The following CNTNAP4 variants were observed in gnomAD, a reference collection of about 807,000 sequenced individuals.
CNTNAP4 encodes contactin associated protein family member 4.
Under a neutral mutation model 148.4 loss-of-function variants are expected in CNTNAP4, and 98 were observed. That is an observed-to-expected ratio of 0.66 (90% CI 0.56 to 0.78). The LOEUF (loss-of-function observed/expected upper bound fraction) is 0.78, where lower values mean the gene tolerates loss of function less well. Ranked by LOEUF, CNTNAP4 falls within the 30% of genes least tolerant of loss-of-function variation. CNTNAP4 has a pLI of 0.00. For synonymous variants in CNTNAP4, 730 were observed against 565.1 expected (o/e 1.29, Z -4.14); for missense variants, 1,935 against 1,565.6 (o/e 1.24, Z -3.98).
intron 1 of CNTNAP4, among the ~76,000 whole-genome samples, chr16:76,294,643 C>T (rs1342288671): frequency 6.6e-6 from 1 of 152,162 alleles, no homozygotes; most frequent in Non-Finnish European, 1.5e-5. Flanking sequence ...ACTCACTCTT[C>T]TCTGGGTTGG....
chr16:76,325,560 A>G (rs531146922), intron 2 of CNTNAP4, among the ~76,000 whole-genome samples: 3 of 152,362 alleles, frequency 2.0e-5, no homozygotes, highest in Admixed American at 6.5e-5. Flanking sequence ...AGAAATCTCA[A>G]TGGAAATGAG....
intron 3 of CNTNAP4, among the ~76,000 whole-genome samples, chr16:76,420,005 A>G (rs1324445279): frequency 6.6e-6 from 1 of 152,000 alleles, no homozygotes; most frequent in African/African-American, 2.4e-5. Flanking sequence ...GGGCTTCAAC[A>G]TAGAATTTTG....
chr16:76,538,368 A>G lies in CNTNAP4; in HGVS notation c.3220+28A>G, dbSNP rs370869439. On this transcript the variant is annotated intron_variant, in intron 19 of 23. Transcript: ENST00000611870. ...GAGTTCTTTTTAGATGAGAGAGAGA[A>G]AATTAAATTAGAACACTAGCTCTGT... 5 of 1,488,464 alleles carry G rather than the reference A, an allele frequency of 3.4e-6. No individual in the cohort carries two copies. In the African/African-American group the frequency reaches 5.6e-5, roughly 17 times the overall value. The allele number at this position is 1,488,464 out of a possible 1,614,324, so 92.2% of individuals were successfully genotyped here.
intron 11 of CNTNAP4, among the ~76,000 whole-genome samples, chr16:76,476,547 A>C (rs1310227648): frequency 6.6e-6 from 1 of 152,230 alleles, no homozygotes; most frequent in African/African-American, 2.4e-5. Context: ...GCCATAGCCT[A>C]GGTGACTTAC....
rs1406674009 is a variant in CNTNAP4 at position 76,556,700 on chromosome 16, T to C, written c.3734-1790T>C. ...TTTCTAAAATGAGAAGCAAAATATG[T>C]AACAACAAATATTCTGATTAAAGTT... On this transcript the variant is annotated intron_variant, in intron 23 of 23. Coordinates refer to ENST00000611870, the MANE Select transcript of CNTNAP4 (RefSeq NM_033401.5). 2.0e-5 allele frequency among the ~76,000 whole-genome samples: 3 copies of C among 152,248 alleles called. No individual in the cohort carries two copies. The East Asian group carries it at 5.8e-4, about 29-fold the overall frequency.
intron 15 of CNTNAP4, among the ~76,000 whole-genome samples, chr16:76,505,651 A>G (rs1393743754): frequency 1.0e-5 from 1 of 97,990 alleles, no homozygotes; most frequent in Admixed American, 1.0e-4. Flanking sequence ...ATATTTTAAT[A>G]AGTAATAAAT....
At chr16:76,455,790 T>C (rs896771790) in intron 8 of CNTNAP4, among the ~76,000 whole-genome samples, 3 of 152,200 alleles carry the variant, frequency 2.0e-5, no homozygotes, top group African/African-American at 7.2e-5. Flanking sequence ...TCCTACCCTA[T>C]ATGGCAGGCT....
intron 4 of CNTNAP4, among the ~76,000 whole-genome samples, chr16:76,446,474 G>A (rs1306967433): frequency 6.6e-6 from 1 of 152,100 alleles, no homozygotes; most frequent in Non-Finnish European, 1.5e-5. Context: ...TTGTTCAGGT[G>A]CAACTGATTT....
rs560512109 is a variant in CNTNAP4, at chr16:76,394,560, C to T, written c.391-32892C>T. Among the ~76,000 whole-genome samples the T allele has an allele frequency of 9.2e-5, 14 of 152,140 alleles. No individual in the cohort carries two copies. In the East Asian group the frequency reaches 2.7e-3, roughly 29 times the overall value. Reference sequence around the variant, plus strand: ...CTAGAGTGATGGGATTATGAGTAGGCTTTTTTCCCCCTTCTCCTTTCCCCC... The same window carrying T: ...CTAGAGTGATGGGATTATGAGTAGGTTTTTTTCCCCCTTCTCCTTTCCCCC... On this transcript the variant is annotated intron_variant, in intron 3 of 23. Transcript: ENST00000611870.
At chr16:76,355,610 C>G (rs547043576) in intron 3 of CNTNAP4, 99 bp downstream of exon 3, 47 of 807,594 alleles carry the variant, frequency 5.8e-5, no homozygotes, top group African/African-American at 5.1e-4. Flanking sequence ...CATACAGAAT[C>G]TGCAGACTTA....
At chr16:76,555,030 G>A (rs12922967) in intron 23 of CNTNAP4, among the ~76,000 whole-genome samples, 44,271 of 151,512 alleles carry the variant, frequency 0.29, 6,477 homozygotes, top group South Asian at 0.35. Flanking sequence ...CTCCCTGGCA[G>A]GGCAACAGGA....
intron 10 of CNTNAP4, among the ~76,000 whole-genome samples, chr16:76,474,735 T>G (rs776539855): frequency 5.3e-5 from 8 of 152,166 alleles, no homozygotes; most frequent in Non-Finnish European, 1.0e-4. Context: ...CTTTCCAAAC[T>G]TTTTCATCTA....
intron 1 of CNTNAP4, among the ~76,000 whole-genome samples, chr16:76,293,056 C>T (rs987166680): frequency 1.3e-5 from 2 of 152,144 alleles, no homozygotes; most frequent in African/African-American, 4.8e-5. Flanking sequence ...GACTGTTAAC[C>T]CCTATACACC....
chr16:76,377,331 T>C (rs12918149), intron 3 of CNTNAP4, among the ~76,000 whole-genome samples: 102,323 of 152,012 alleles, frequency 0.67, 35,137 homozygotes, highest in East Asian at 0.89. Context: ...GTCAAGGTGA[T>C]GCATAACTTT....
chr16:76,332,466 GTT>G (rs1963618784), intron 2 of CNTNAP4, among the ~76,000 whole-genome samples: 3 of 152,034 alleles, frequency 2.0e-5, no homozygotes, highest in African/African-American at 7.2e-5. Context: ...ATTTTGCCAT[GTT>G]GCCTAGGCTG....
intron 3 of CNTNAP4, among the ~76,000 whole-genome samples, chr16:76,389,936 A>G (rs2016830962): frequency 6.6e-6 from 1 of 152,182 alleles, no homozygotes; most frequent in Admixed American, 6.5e-5. Context: ...TTGGAAGGCA[A>G]TTTCAAGAAA....
At chr16:76,309,937 C>T (rs756176513) in intron 1 of CNTNAP4, 87 of 700,728 alleles carry the variant, frequency 1.2e-4, no homozygotes, top group African/African-American at 4.2e-4. Context: ...TTTTCTTCCC[C>T]GTCTCGGGTA....
At chr16:76,388,538 A>G (rs1016654408) in intron 3 of CNTNAP4, among the ~76,000 whole-genome samples, 1 of 152,214 alleles carries the variant, frequency 6.6e-6, no homozygotes, top group Admixed American at 6.5e-5. Flanking sequence ...ACAAGGTAAA[A>G]TGCACACAAA....
intron 15 of CNTNAP4, among the ~76,000 whole-genome samples, chr16:76,502,864 C>T (rs1013175023): frequency 5.3e-5 from 8 of 151,096 alleles, no homozygotes; most frequent in Admixed American, 4.0e-4. Flanking sequence ...CTCACACAAA[C>T]GAGAGATATT....
Sources: allele counts gnomAD v4.1 joint callset (sites outside exome capture counted in the v4.1 genomes callset), GRCh38; gene constraint gnomAD v4.1.1; transcripts MANE v1.5; gene names NCBI Gene and HGNC (gene_info 2026-07-23, HGNC 2026-07-21).